Variants in KDM4C observed in about 807,000 individuals in gnomAD.
The protein encoded by KDM4C is lysine demethylase 4C, also known as lysine-specific demethylase 4C.
Under a neutral mutation model 129.3 loss-of-function variants are expected in KDM4C, and 81 were observed. That is an observed-to-expected ratio of 0.63 (90% CI 0.52 to 0.75). The LOEUF is 0.75. Ranked by LOEUF, KDM4C falls within the 30% of genes least tolerant of loss-of-function variation. KDM4C has a pLI of 0.00. For missense variants in KDM4C, 1,457 were observed against 1,304.0 expected, an observed-to-expected ratio of 1.12 and a Z score of -1.81; for synonymous variants, 573 against 456.1, an observed-to-expected ratio of 1.26 and a Z score of -3.26.
chr9:6,874,567 G>A (rs1348634065), intron 5 of KDM4C, among the ~76,000 whole-genome samples: 1 of 152,010 alleles, frequency 6.6e-6, no homozygotes, highest in Non-Finnish European at 1.5e-5. Context: ...AACGGAATTA[G>A]ATGACTTTTT....
chr9:6,819,828 G>C (rs1185558053), intron 4 of KDM4C, among the ~76,000 whole-genome samples: 2 of 152,152 alleles, frequency 1.3e-5, no homozygotes, highest in African/African-American at 4.8e-5. Context: ...GCTGTTGACT[G>C]TCTTATCTTT....
chr9:6,948,637 C>CG (rs1206901279), intron 8 of KDM4C, among the ~76,000 whole-genome samples: 4 of 151,264 alleles, frequency 2.6e-5, no homozygotes, highest in Admixed American at 2.0e-4. Context: ...TGCGGCCTTC[C>CG]GCAGTGTTTG....
intron 5 of KDM4C, among the ~76,000 whole-genome samples, chr9:6,877,274 C>T (rs1338759897): frequency 1.3e-5 from 2 of 152,216 alleles, no homozygotes; most frequent in South Asian, 2.1e-4. Flanking sequence ...CATCTCAGCT[C>T]ACTGCAAGCT....
At chr9:7,016,412 C>G (rs1823694013) in intron 15 of KDM4C, among the ~76,000 whole-genome samples, 1 of 147,486 alleles carries the variant, frequency 6.8e-6, no homozygotes, top group Non-Finnish European at 1.5e-5. Flanking sequence ...CAGGCGGGAG[C>G]CACTGTTCCT....
At chr9:7,042,603 C>G (rs1463109608) in intron 15 of KDM4C, among the ~76,000 whole-genome samples, 1 of 151,996 alleles carries the variant, frequency 6.6e-6, no homozygotes, top group Non-Finnish European at 1.5e-5. Context: ...CAAATGGAGA[C>G]TTAGTAATGC....
chr9:7,029,298 T>G (rs6477137), intron 15 of KDM4C, among the ~76,000 whole-genome samples: 5,060 of 69,346 alleles, frequency 0.073, 241 homozygotes, highest in African/African-American at 0.22. Flanking sequence ...CCACCGTTTT[T>G]TTTTTTTTTT....
chr9:7,129,041 T>G (rs74739025), intron 19 of KDM4C, among the ~76,000 whole-genome samples: 3,456 of 152,256 alleles, frequency 0.023, 108 homozygotes, highest in African/African-American at 0.078. Context: ...GTGCTGATCC[T>G]GTTATCCCTT....
chr9:6,743,053 AAATC>A (rs1341970692), intron 1 of KDM4C, among the ~76,000 whole-genome samples: 1 of 152,176 alleles, frequency 6.6e-6, no homozygotes, highest in South Asian at 2.1e-4. Context: ...AAAAAGGAAA[AAATC>A]AATCAGCAAA....
At position 7,128,167 on chromosome 9, in the gene KDM4C, G is replaced by A. The variant is rs778553770; in HGVS notation, c.2712G>A (p.Ser904=). The A allele has an allele frequency of 6.4e-5, 104 of 1,612,508 alleles. No individual in the cohort carries two copies. The highest frequency in any genetic ancestry group is 8.9e-5 in the East Asian group (4 of 44,792). The change falls in exon 19 of 22, where the codon TCG becomes TCA. Residue 904 remains serine (S), a synonymous_variant. Transcript: ENST00000381309. The part of the protein sequence containing the change: ...YYSCRVMAVT[S]QTFYEVMFDD... ...GTTGCAGAGTGATGGCTGTGACATC[G>A]CAGACCTTCTATGAGGTCATGTTTG... is the stretch of plus-strand genomic sequence containing the variant.
intron 19 of KDM4C, among the ~76,000 whole-genome samples, chr9:7,134,279 T>G (rs1840956648): frequency 6.6e-6 from 1 of 152,238 alleles, no homozygotes; most frequent in African/African-American, 2.4e-5. Flanking sequence ...AATTTTTAGT[T>G]ACGAGGGAAA....
chr9:6,776,141 G>GTGGTGCGAT (rs1330846930), intron 1 of KDM4C, among the ~76,000 whole-genome samples: 1 of 152,204 alleles, frequency 6.6e-6, no homozygotes, highest in African/African-American at 2.4e-5. Flanking sequence ...CTAGAATGTA[G>GTGGTGCGAT]TGGTGCGATC....
chr9:7,093,256 G>C (rs554537027), intron 17 of KDM4C, among the ~76,000 whole-genome samples: 2 of 152,136 alleles, frequency 1.3e-5, no homozygotes, highest in Admixed American at 6.5e-5. Context: ...GTGGAGCATG[G>C]TGTTGTTGAT....
At chr9:6,891,483 CAG>C (rs1365469087) in intron 7 of KDM4C, among the ~76,000 whole-genome samples, 1 of 151,986 alleles carries the variant, frequency 6.6e-6, no homozygotes, top group Admixed American at 6.6e-5. Context: ...GAAGATAAAT[CAG>C]GGGTTTTCTT....
chr9:7,166,116 T>C (rs901597204), intron 20 of KDM4C, among the ~76,000 whole-genome samples: 1 of 152,182 alleles, frequency 6.6e-6, no homozygotes, highest in Non-Finnish European at 1.5e-5. Context: ...TCAGTAACAC[T>C]GTGTCAGAAA....
At chr9:6,734,775 A>G (rs1421803045) in intron 1 of KDM4C, 1 of 384,418 alleles carries the variant, frequency 2.6e-6, no homozygotes, top group South Asian at 2.1e-5. Flanking sequence ...TACTTAAAAT[A>G]TGTTTGTAAA....
At position 6,793,056 on chromosome 9, in the gene KDM4C, T is replaced by C. The variant is rs749010878; in HGVS notation, c.68T>C (p.Met23Thr). The change falls in exon 2 of 22, where the codon ATG becomes ACG. Residue 23 changes from methionine (M) to threonine (T), a missense_variant. Coordinates refer to ENST00000381309, the MANE Select transcript of KDM4C (RefSeq NM_015061.6). Reference sequence around the variant, plus strand: ...AAGATAATGACCTTCAGACCCTCCATGGAGGAGTTCCGGGAGTTCAACAAA... The same window carrying C: ...AAGATAATGACCTTCAGACCCTCCACGGAGGAGTTCCGGGAGTTCAACAAA... ...SCKIMTFRPS[M>T]EEFREFNKYL... 12 of 1,614,100 alleles carry C rather than the reference T, an allele frequency of 7.4e-6. No homozygotes were observed. The highest frequency in any genetic ancestry group is 3.3e-5 in the South Asian group (3 of 91,074).
chr9:6,963,914 A>G (rs149061162), intron 8 of KDM4C, among the ~76,000 whole-genome samples: 1 of 152,332 alleles, frequency 6.6e-6, no homozygotes, highest in East Asian at 1.9e-4. Flanking sequence ...TAGATTAACT[A>G]TTCAGTGCAG....
intron 1 of KDM4C, among the ~76,000 whole-genome samples, chr9:6,744,097 T>C (rs1317482761): frequency 2.9e-5 from 4 of 138,514 alleles, no homozygotes; most frequent in African/African-American, 1.1e-4. Flanking sequence ...AACAACACTT[T>C]GTTACCTCTA....
intron 1 of KDM4C, chr9:6,723,799 C>T (rs1360920508): frequency 2.6e-5 from 4 of 152,164 alleles, no homozygotes; most frequent in African/African-American, 9.7e-5. Flanking sequence ...ATCTATTTGT[C>T]TGTGGTAGAA....
Sources: gnomAD v4.1 joint callset for allele counts (sites outside exome capture counted in the v4.1 genomes callset) on GRCh38, gnomAD v4.1.1 for gene constraint, MANE v1.5 for transcripts, NCBI Gene and HGNC (gene_info 2026-07-23, HGNC 2026-07-21) for gene names.